INSC: variants seen among roughly 807,000 people sequenced by gnomAD.
The protein encoded by INSC is INSC spindle orientation adaptor protein.
Under a neutral mutation model 58.6 loss-of-function variants are expected in INSC, and 67 were observed. The observed-to-expected ratio is 1.14, with a 90% CI of 0.94 to 1.40. The LOEUF is 1.40. Among genes scored for constraint, INSC ranks in the 40% most tolerant of loss-of-function variants. The pLI is 0.00. For synonymous variants in INSC, 262 were observed against 276.1 expected, an observed-to-expected ratio of 0.95 and a Z score of 0.51; for missense variants, 714 against 692.0, an observed-to-expected ratio of 1.03 and a Z score of -0.36.
chr11:15,257,094 AT>A, the INSC span, among the ~76,000 whole-genome samples: 1 of 152,184 alleles, frequency 6.6e-6, no homozygotes, highest in East Asian at 1.9e-4. Context: ...TATTTCCTTA[AT>A]GATAGAACCT....
intron 1 of INSC, among the ~76,000 whole-genome samples, chr11:15,129,270 G>T (rs538141213): frequency 6.6e-6 from 1 of 152,038 alleles, no homozygotes; most frequent in Non-Finnish European, 1.5e-5. Context: ...GGGGCTTGCT[G>T]TTCTGTTCTC....
At chr11:15,167,542 C>G (rs539007554) in intron 2 of INSC, among the ~76,000 whole-genome samples, 6 of 152,044 alleles carry the variant, frequency 3.9e-5, no homozygotes, top group Non-Finnish European at 7.4e-5. Flanking sequence ...CTCACTGCAG[C>G]CTTGACCTCC....
chr11:15,218,584 A>G (rs1269970043), intron 7 of INSC, among the ~76,000 whole-genome samples: 2 of 152,170 alleles, frequency 1.3e-5, no homozygotes, highest in Non-Finnish European at 2.9e-5. Flanking sequence ...ATGTACATAT[A>G]TATATTTCCC....
intron 1 of INSC, among the ~76,000 whole-genome samples, chr11:15,139,367 C>T (rs913747324): frequency 1.3e-5 from 2 of 152,216 alleles, no homozygotes; most frequent in Non-Finnish European, 2.9e-5. Flanking sequence ...TGGGAGAGGT[C>T]TCTCACTTTT....
At chr11:15,269,004 T>C in the INSC span, among the ~76,000 whole-genome samples, 3 of 152,098 alleles carry the variant, frequency 2.0e-5, no homozygotes, top group Non-Finnish European at 4.4e-5. Context: ...ATACAAGGTA[T>C]TCTGCAATTT....
At chr11:15,263,286 G>C in the INSC span, among the ~76,000 whole-genome samples, 44 of 152,224 alleles carry the variant, frequency 2.9e-4, no homozygotes, top group African/African-American at 1.0e-3. Flanking sequence ...ATCAGGCAGA[G>C]ATCATATCTG....
At chr11:15,227,947 T>G (rs1242515536) in intron 9 of INSC, among the ~76,000 whole-genome samples, 1 of 152,234 alleles carries the variant, frequency 6.6e-6, no homozygotes, top group Non-Finnish European at 1.5e-5. Context: ...CAACCTGAGT[T>G]TGAGGCTTTT....
chr11:15,163,659 T>C (rs528241241), intron 2 of INSC, among the ~76,000 whole-genome samples: 2 of 152,192 alleles, frequency 1.3e-5, no homozygotes, highest in Admixed American at 1.3e-4. Flanking sequence ...AGTGGTGCGA[T>C]CTTGGCTCAC....
intron 6 of INSC, among the ~76,000 whole-genome samples, chr11:15,196,172 C>T (rs981761186): frequency 2.0e-5 from 3 of 152,160 alleles, no homozygotes; most frequent in African/African-American, 7.2e-5. Flanking sequence ...CAGAGCCTGC[C>T]AGGAGAATAC....
At chr11:15,252,594 G>A in the INSC span, among the ~76,000 whole-genome samples, 4 of 152,144 alleles carry the variant, frequency 2.6e-5, no homozygotes, top group Admixed American at 2.0e-4. Flanking sequence ...CCTCTAGAGT[G>A]AGTGATCCAA....
chr11:15,178,881 C>G (rs1039275607), intron 5 of INSC, among the ~76,000 whole-genome samples: 5 of 152,226 alleles, frequency 3.3e-5, no homozygotes, highest in African/African-American at 1.2e-4. Flanking sequence ...CCTGATCCCC[C>G]TCTTCTCTGT....
At chr11:15,236,302 G>T (rs923780463) in intron 10 of INSC, among the ~76,000 whole-genome samples, 3 of 151,850 alleles carry the variant, frequency 2.0e-5, no homozygotes, top group Non-Finnish European at 1.5e-5. Context: ...GGGTGGGGGG[G>T]TGGTGGTTGC....
At chr11:15,204,031 A>T (rs1230702248) in intron 7 of INSC, among the ~76,000 whole-genome samples, 1 of 152,234 alleles carries the variant, frequency 6.6e-6, no homozygotes, top group African/African-American at 2.4e-5. Context: ...CTTCAAAGCC[A>T]AAAATATTTA....
the INSC span, among the ~76,000 whole-genome samples, chr11:15,255,153 C>T: frequency 6.6e-6 from 1 of 152,152 alleles, no homozygotes; most frequent in Non-Finnish European, 1.5e-5. Context: ...GATCATTCCA[C>T]TTGGTACACA....
At chr11:15,120,255 C>A (rs1283790509) in intron 1 of INSC, among the ~76,000 whole-genome samples, 1 of 152,134 alleles carries the variant, frequency 6.6e-6, no homozygotes, top group Admixed American at 6.5e-5. Flanking sequence ...TTTGCTGTGC[C>A]AGGGTCTGTG....
In INSC at chr11:15,240,507, T is replaced by G; in HGVS notation, c.1454T>G (p.Val485Gly). The G allele has an allele frequency of 1.9e-6, 3 of 1,613,694 alleles. No homozygotes were observed. In the African/African-American group the frequency reaches 4.0e-5, roughly 22 times the overall value. ...TCAGAGAGGAACAGCAGTGACGCCG[T>G]GCTTGTGGCCTGCCTGGTGAGTTCT... ...SPSERNSSDA[V>G]LVACLAALRR... Residue 485 changes from valine to glycine, a missense_variant, in exon 12 of 13, where the codon GTG (valine) becomes GGG (glycine). Val to Gly is a moderately radical substitution (Grantham distance 109). Coordinates refer to ENST00000379556, the MANE Select transcript of INSC (RefSeq NM_001042536.3).
chr11:15,120,815 C>T (rs2133684864), intron 1 of INSC, among the ~76,000 whole-genome samples: 1 of 152,066 alleles, frequency 6.6e-6, no homozygotes, highest in Non-Finnish European at 1.5e-5. Flanking sequence ...TTGAGTGCTT[C>T]CTATTTTTAT....
chr11:15,147,206 G>C (rs1590360236), intron 1 of INSC, among the ~76,000 whole-genome samples: 1 of 152,062 alleles, frequency 6.6e-6, no homozygotes, highest in Non-Finnish European at 1.5e-5. Flanking sequence ...TCATTTTATT[G>C]TTCCTAGTTT....
intron 7 of INSC, among the ~76,000 whole-genome samples, chr11:15,207,704 C>T (rs1850861620): frequency 6.6e-6 from 1 of 152,188 alleles, no homozygotes; most frequent in African/African-American, 2.4e-5. Flanking sequence ...TCTGTCTCCA[C>T]TGTCTGCTCC....
Sources: gnomAD v4.1 joint callset for allele counts (sites outside exome capture counted in the v4.1 genomes callset) on GRCh38, gnomAD v4.1.1 for gene constraint, MANE v1.5 for transcripts, NCBI Gene and HGNC (gene_info 2026-07-23, HGNC 2026-07-21) for gene names.